Variants in KCNIP1 observed in about 807,000 individuals in gnomAD.
KCNIP1 encodes the protein potassium voltage-gated channel interacting protein 1.
In KCNIP1, 18 loss-of-function variants were observed where a neutral mutation model predicts 33.0. The observed-to-expected ratio is 0.55, with a 90% CI of 0.38 to 0.81. KCNIP1 has a LOEUF of 0.81. Among genes scored for constraint, KCNIP1 ranks in the 30% least tolerant of loss-of-function variants. KCNIP1 has a pLI of 0.00. For missense variants in KCNIP1, 238 were observed against 271.6 expected (o/e 0.88, Z 0.87); for synonymous variants, 93 against 98.3 (o/e 0.95, Z 0.32).
intron 1 of KCNIP1, among the ~76,000 whole-genome samples, chr5:170,424,206 G>C: frequency 6.6e-6 from 1 of 152,212 alleles, no homozygotes; most frequent in East Asian, 1.9e-4. Context: ...GCAGGAGACT[G>C]AGGGAGGGAT....
chr5:170,697,785 C>A (rs1762949014), intron 1 of KCNIP1, among the ~76,000 whole-genome samples: 1 of 152,114 alleles, frequency 6.6e-6, no homozygotes, highest in African/African-American at 2.4e-5. Flanking sequence ...CTCTCAGGAA[C>A]CCTCATCTCC....
chr5:170,659,823 G>A (rs1761406779), intron 1 of KCNIP1, among the ~76,000 whole-genome samples: 1 of 152,100 alleles, frequency 6.6e-6, no homozygotes, highest in Non-Finnish European at 1.5e-5. Context: ...GTAGTTTTTG[G>A]CATTATTTTT....
chr5:170,726,130 G>C (rs1271779992), intron 5 of KCNIP1, among the ~76,000 whole-genome samples: 1 of 152,104 alleles, frequency 6.6e-6, no homozygotes. Flanking sequence ...TAAAAATTTT[G>C]TGCTTTAGAA....
chr5:170,582,016 G>C (rs927656851), intron 1 of KCNIP1, among the ~76,000 whole-genome samples: 1 of 152,214 alleles, frequency 6.6e-6, no homozygotes, highest in Non-Finnish European at 1.5e-5. Flanking sequence ...GACTAATAGA[G>C]TGAGAACTCA....
upstream of KCNIP1, chr5:170,503,952 CTCG>C: frequency 9.9e-6 from 7 of 709,046 alleles, no homozygotes; most frequent in Non-Finnish European, 1.2e-5. Flanking sequence ...CCGTGCAGCC[CTCG>C]CCCCCGCCCC....
intron 1 of KCNIP1, among the ~76,000 whole-genome samples, chr5:170,641,691 A>G (rs567481770): frequency 6.6e-6 from 1 of 152,320 alleles, no homozygotes; most frequent in South Asian, 2.1e-4. Context: ...CCATCTGGCC[A>G]GGAACCGGCT....
intron 5 of KCNIP1, among the ~76,000 whole-genome samples, chr5:170,723,495 C>A (rs767014986): frequency 3.3e-5 from 5 of 152,174 alleles, no homozygotes; most frequent in Non-Finnish European, 5.9e-5. Flanking sequence ...ACTTGCTGAG[C>A]TCCTGTGTGC....
intron 1 of KCNIP1, among the ~76,000 whole-genome samples, chr5:170,643,422 C>T (rs1760655704): frequency 6.6e-6 from 1 of 152,212 alleles, no homozygotes; most frequent in Admixed American, 6.5e-5. Context: ...GGATTATGCC[C>T]CAAGGATCCT....
chr5:170,561,127 T>C, intron 1 of KCNIP1: 1 of 456,062 alleles, frequency 2.2e-6, no homozygotes, highest in Non-Finnish European at 4.4e-6. Context: ...TGGGCAGTGA[T>C]AAAGGAGCTG....
At chr5:170,450,309 C>CA (rs768291706) in intron 1 of KCNIP1, among the ~76,000 whole-genome samples, 2 of 152,086 alleles carry the variant, frequency 1.3e-5, no homozygotes, top group Non-Finnish European at 2.9e-5. Flanking sequence ...TGCAGCCAGG[C>CA]AAAAAATCTG....
chr5:170,492,894 T>C (rs566924669), intron 1 of KCNIP1, among the ~76,000 whole-genome samples: 49 of 152,246 alleles, frequency 3.2e-4, no homozygotes, highest in Non-Finnish European at 6.9e-4. Context: ...GGACTACAGG[T>C]GCCCACCACC....
intron 1 of KCNIP1, among the ~76,000 whole-genome samples, chr5:170,693,277 T>C (rs997632615): frequency 2.0e-5 from 3 of 151,630 alleles, no homozygotes; most frequent in Admixed American, 6.6e-5. Context: ...ACATTGTCCC[T>C]TCAAGATGGA....
At chr5:170,537,337 G>A (rs991600020) in intron 1 of KCNIP1, among the ~76,000 whole-genome samples, 3 of 152,224 alleles carry the variant, frequency 2.0e-5, no homozygotes, top group Non-Finnish European at 4.4e-5. Context: ...ATTCAACTCA[G>A]GGTATGAATG....
chr5:170,641,610 G>A (rs1026116255), intron 1 of KCNIP1, among the ~76,000 whole-genome samples: 4 of 152,248 alleles, frequency 2.6e-5, no homozygotes, highest in African/African-American at 9.6e-5. Flanking sequence ...TGTCCCCAAA[G>A]AGGCTTCTCT....
rs1159290372 is a variant in KCNIP1, at chr5:170,667,312, C to A, written c.62-51446C>A. Among the ~76,000 whole-genome samples, 193 of 136,668 alleles carry A rather than the reference C, an allele frequency of 1.4e-3. 1 individual carries two copies. In the East Asian group the frequency reaches 0.022, roughly 15 times the overall value. 89.7% of individuals were successfully genotyped at this position (136,668 alleles called of 152,430 possible). A position where few individuals can be genotyped will look rare whatever the true frequency, so the allele number is the denominator to read the frequency against. The stretch of plus-strand genomic sequence containing the variant: ...GAGCAACAAGAGTGAAACTCCGTCT[C>A]AAAAAAAAAAAAAAGTAAAAACTGT... On this transcript the variant is annotated intron_variant, in intron 1 of 7. Transcript: ENST00000328939.
At chr5:170,385,589 T>A in intron 1 of KCNIP1, 1 of 981,392 alleles carries the variant, frequency 1.0e-6, no homozygotes, top group Non-Finnish European at 1.5e-6. Flanking sequence ...TGTTTATATT[T>A]GGAGCTTTGC....
At chr5:170,654,170 C>T (rs1190405400) in intron 1 of KCNIP1, among the ~76,000 whole-genome samples, 1 of 152,140 alleles carries the variant, frequency 6.6e-6, no homozygotes, top group Non-Finnish European at 1.5e-5. Context: ...GAGAAGGCTG[C>T]CCTGGTCCCT....
intron 1 of KCNIP1, among the ~76,000 whole-genome samples, chr5:170,684,858 A>G (rs1253851898): frequency 6.6e-6 from 1 of 152,230 alleles, no homozygotes; most frequent in East Asian, 1.9e-4. Flanking sequence ...GTTACACTTT[A>G]AATGACACAC....
intron 1 of KCNIP1, among the ~76,000 whole-genome samples, chr5:170,465,701 C>G (rs1756594812): frequency 6.6e-6 from 1 of 152,196 alleles, no homozygotes; most frequent in African/African-American, 2.4e-5. Context: ...AGATACTGCT[C>G]TGAACCTTAT....
Sources: gnomAD v4.1 joint callset for allele counts (sites outside exome capture counted in the v4.1 genomes callset) on GRCh38, gnomAD v4.1.1 for gene constraint, MANE v1.5 for transcripts, NCBI Gene and HGNC (gene_info 2026-07-23, HGNC 2026-07-21) for gene names.